The following FTSJ1 variants were observed in gnomAD, a reference collection of about 807,000 sequenced individuals.
FTSJ1 encodes the protein tRNA (cytidine(32)/guanosine(34)-2'-O)-methyltransferase.
Under a neutral mutation model 28.5 loss-of-function variants are expected in FTSJ1, and 3 were observed. The observed-to-expected ratio is 0.11, with a 90% CI of 0.05 to 0.27. The LOEUF (loss-of-function observed/expected upper bound fraction) is 0.27, where lower values mean the gene tolerates loss of function less well. Ranked by LOEUF, FTSJ1 falls within the 10% of genes least tolerant of loss-of-function variation. The pLI is 1.00. For missense variants in FTSJ1, 162 were observed against 279.0 expected (o/e 0.58, Z 2.99); for synonymous variants, 104 against 113.9 (o/e 0.91, Z 0.55).
Position 48,477,996 on chromosome X carries a change from C to G in FTSJ1, c.-52C>G. On this transcript the variant is annotated 5_prime_UTR_variant, in exon 2 of 13. Coordinates refer to ENST00000348411, the MANE Select transcript of FTSJ1 (RefSeq NM_012280.4). The stretch of plus-strand genomic sequence containing the variant: ...TAGCCCATTCATCTGGTTACTGATA[C>G]TGGCCGGCATCAGTGGACTGTCGGC... 1 of 1,210,181 alleles carries G rather than the reference C, an allele frequency of 8.3e-7. No homozygotes were observed. The highest frequency in any genetic ancestry group is 1.1e-6 in the Non-Finnish European group (1 of 894,481).
Position 48,478,086 on chromosome X carries a change from C to T in FTSJ1, c.39C>T (p.Tyr13=). 1.7e-6 allele frequency: 2 copies of T among 1,210,826 alleles called. No homozygotes were observed. Among genetic ancestry groups the T allele is most frequent in the Non-Finnish European group, 2.2e-6 (2 of 894,559 alleles). Residue 13 remains tyrosine, a synonymous_variant, in exon 2 of 13, where the codon TAC becomes TAT. Transcript: ENST00000348411. Reference sequence around the variant, plus strand: ...CAAAGGACAAGCGGGATGTCTACTACCGCCTGGCCAAGGAGAATGGCTGGC... The same window carrying T: ...CAAAGGACAAGCGGGATGTCTACTATCGCCTGGCCAAGGAGAATGGCTGGC... The part of the protein sequence containing the change: ...RTSKDKRDVY[Y]RLAKENGWRA...
intron 1 of FTSJ1, among the ~76,000 whole-genome samples, chrX:48,477,385 A>G (rs1228481341): frequency 3.6e-5 from 4 of 111,383 alleles, no homozygotes; most frequent in African/African-American, 1.3e-4. Context: ...GAGCTAATAG[A>G]CCATGATTCT....
intron 5 of FTSJ1, among the ~76,000 whole-genome samples, chrX:48,479,624 A>G (rs782033709): frequency 3.6e-5 from 4 of 112,498 alleles, no homozygotes; most frequent in African/African-American, 1.3e-4. Context: ...TGGGAGGATG[A>G]GGTGAGAGGA....
In FTSJ1 at chrX:48,482,743, G is replaced by A. The variant is rs781907346; in HGVS notation, c.906G>A (p.Thr302=). The A allele has an allele frequency of 5.8e-6, 7 of 1,209,365 alleles. No homozygotes were observed. Among genetic ancestry groups the A allele is most frequent in the Admixed American group, 4.4e-5 (2 of 45,851 alleles). The change falls in exon 11 of 13, where the codon ACG becomes ACA. Residue 302 remains threonine, a synonymous_variant. Transcript: ENST00000348411. The part of the protein sequence containing the change: ...PQDCPISRVD[T]FPQPLAAPQC... The stretch of plus-strand genomic sequence containing the variant: ...ACTGCCCCATCAGCAGAGTGGACAC[G>A]TTTCCCCAGCCCCTGGCCGCCCCTC...
intron 1 of FTSJ1, 104 bp downstream of exon 1, chrX:48,476,500 G>A (rs1556966329): frequency 7.1e-6 from 2 of 281,948 alleles, no homozygotes; most frequent in Non-Finnish European, 1.2e-5. Flanking sequence ...CCTGGGCGCC[G>A]TAGCTGTGTA....
At chrX:48,478,887 T>A in intron 4 of FTSJ1, 151 bp from the exon 5 acceptor site, 1 of 550,539 alleles carries the variant, frequency 1.8e-6, no homozygotes, top group Non-Finnish European at 3.1e-6. Flanking sequence ...AAAATGATGA[T>A]GCTGGGTCCC....
rs782304387 is a variant in FTSJ1 at position 48,479,397 on chromosome X, G to A, written c.361+281G>A. Among the ~76,000 whole-genome samples the A allele has an allele frequency of 2.7e-5, 3 of 112,413 alleles. No individual in the cohort carries two copies. The Admixed American group carries it at 2.8e-4, about 11-fold the overall frequency. Reference sequence around the variant, plus strand: ...TGCAACTGTCCAATTCCGTTGCACTGTTCATTCATTTTCAGCCAGCCAGCC... The same window carrying A: ...TGCAACTGTCCAATTCCGTTGCACTATTCATTCATTTTCAGCCAGCCAGCC... On this transcript the variant is annotated intron_variant, in intron 5 of 12. Transcript: ENST00000348411.
chrX:48,481,724 TG>T lies in FTSJ1; in HGVS notation c.655+11del. ...GCTGGACCATTCTTACGGTGAGAGC[TG>T]GAGCATGGGCCACCCTGGGGGACTC... On this transcript the variant is annotated intron_variant, in intron 9 of 12. Coordinates refer to ENST00000348411, the MANE Select transcript of FTSJ1 (RefSeq NM_012280.4). The T allele has an allele frequency of 9.1e-7, 1 of 1,098,751 alleles. No individual in the cohort carries two copies. Among genetic ancestry groups the T allele is most frequent in the Non-Finnish European group, 1.3e-6 (1 of 792,633 alleles). The allele number at this position is 1,098,751 out of a possible 1,213,427, so 90.5% of individuals were successfully genotyped here.
chrX:48,476,220 G>T lies in FTSJ1; in HGVS notation c.-264G>T, dbSNP rs2061530671. The T allele has an allele frequency of 3.4e-6, 1 of 297,348 alleles. No individual in the cohort carries two copies. Among genetic ancestry groups the T allele is most frequent in the South Asian group, 2.0e-4 (1 of 5,047 alleles). 24.5% of individuals were successfully genotyped at this position (297,348 alleles called of 1,213,427 possible). On this transcript the variant is annotated 5_prime_UTR_variant, in exon 1 of 13. Transcript: ENST00000348411. ...GTACGTTCACATCAGGTCCCGGCCC[G>T]CCGGAACCTGGGCGATCCACGATGC...
intron 12 of FTSJ1, among the ~76,000 whole-genome samples, chrX:48,483,745 C>T: frequency 9.0e-6 from 1 of 111,381 alleles, no homozygotes; most frequent in Admixed American, 9.6e-5. Flanking sequence ...CTCGGCCTCC[C>T]AAAGTACCAG....
chrX:48,482,193 A>C (rs1033070174), intron 9 of FTSJ1, among the ~76,000 whole-genome samples: 2 of 112,116 alleles, frequency 1.8e-5, no homozygotes, highest in Admixed American at 9.4e-5. Context: ...AATGCAGTGA[A>C]AAATAGCAGG....
intron 5 of FTSJ1, among the ~76,000 whole-genome samples, 168 bp downstream of exon 5, chrX:48,479,284 T>A (rs5953240): frequency 9.0e-6 from 1 of 111,588 alleles, no homozygotes; most frequent in African/African-American, 3.3e-5. Flanking sequence ...CTGCTGCCTG[T>A]TCTCTCTCTG....
chrX:48,478,260 G>A (rs1221281420), intron 2 of FTSJ1, 92 bp downstream of exon 2: 9 of 955,234 alleles, frequency 9.4e-6, no homozygotes, highest in African/African-American at 1.9e-5. Flanking sequence ...GTGGTAGGTG[G>A]GCTGACTCAG....
Position 48,482,430 on chromosome X carries a change from C to G in FTSJ1, c.683C>G (p.Pro228Arg). The stretch of plus-strand genomic sequence containing the variant: ...CCAGATTTCAACCAGCTGGATGGTC[C>G]CACCCGCATCATTGTGCCTTTTGTG... Reference protein sequence around the residue: ...YDPDFNQLDGPTRIIVPFVTC... With the variant: ...YDPDFNQLDGRTRIIVPFVTC... Residue 228 changes from proline (P) to arginine (R), a missense_variant, in exon 10 of 13, where the codon CCC (proline) becomes CGC (arginine). Physicochemically the swap from Pro to Arg is moderately radical, Grantham distance 103. Coordinates refer to ENST00000348411, the MANE Select transcript of FTSJ1 (RefSeq NM_012280.4). The G allele has an allele frequency of 8.3e-7, 1 of 1,205,278 alleles. No homozygotes were observed. The highest frequency in any genetic ancestry group is 1.7e-5 in the African/African-American group (1 of 57,473).
At position 48,482,739 on chromosome X, in the gene FTSJ1, A is replaced by G. The variant is rs2061577695; in HGVS notation, c.902A>G (p.Asp301Gly). 1 of 1,207,041 alleles carries G rather than the reference A, an allele frequency of 8.3e-7. No individual in the cohort carries two copies. Among genetic ancestry groups the G allele is most frequent in the Non-Finnish European group, 1.1e-6 (1 of 893,998 alleles). ...RPQDCPISRV[D>G]TFPQPLAAPQ... The stretch of plus-strand genomic sequence containing the variant: ...CAGGACTGCCCCATCAGCAGAGTGG[A>G]CACGTTTCCCCAGCCCCTGGCCGCC... The change falls in exon 11 of 13, where the codon GAC becomes GGC. Residue 301 changes from aspartate (D) to glycine (G), a missense_variant. Physicochemically the swap from Asp to Gly is moderately conservative, Grantham distance 94. Transcript: ENST00000348411.
chrX:48,478,398 G>A, intron 2 of FTSJ1, 51 bp from the exon 3 acceptor site: 1 of 1,135,714 alleles, frequency 8.8e-7, no homozygotes, highest in Non-Finnish European at 1.2e-6. Flanking sequence ...GGGTCTCCAG[G>A]TTGGAGAAGT....
intron 4 of FTSJ1, 127 bp downstream of exon 4, chrX:48,478,834 A>G (rs2061550304): frequency 1.3e-5 from 7 of 556,839 alleles, no homozygotes; most frequent in Non-Finnish European, 2.2e-5. Flanking sequence ...GAGAGTAACC[A>G]TGGAGAAACA....
intron 5 of FTSJ1, 95 bp downstream of exon 5, chrX:48,479,211 T>C (rs1198100392): frequency 3.4e-6 from 2 of 582,220 alleles, no homozygotes; most frequent in East Asian, 3.3e-5. Flanking sequence ...ACCTCTTCAG[T>C]TACTCCCTGC....
chrX:48,482,948 C>T (rs374220638), intron 11 of FTSJ1, 38 bp from the exon 12 acceptor site: 79 of 1,207,579 alleles, frequency 6.5e-5, no homozygotes, highest in Non-Finnish European at 8.3e-5. Context: ...GGAAAAGTTT[C>T]GCCAAATATG....
Sources: allele counts gnomAD v4.1 joint callset (sites outside exome capture counted in the v4.1 genomes callset), GRCh38; gene constraint gnomAD v4.1.1; transcripts MANE v1.5; gene names NCBI Gene and HGNC (gene_info 2026-07-23, HGNC 2026-07-21).